Variants in PNLIPRP3 observed in about 807,000 individuals in gnomAD.
The protein encoded by PNLIPRP3 is pancreatic lipase-related protein 3.
Under a neutral mutation model 52.8 loss-of-function variants are expected in PNLIPRP3, and 58 were observed. That is an observed-to-expected ratio of 1.10 (90% confidence interval 0.89 to 1.37). The LOEUF is 1.37. PNLIPRP3 is among the 40% of genes most tolerant of loss of function. The pLI is 0.00. For missense variants in PNLIPRP3, 593 were observed against 561.6 expected (o/e 1.06, Z -0.57); for synonymous variants, 192 against 185.0 (o/e 1.04, Z -0.31).
At chr10:116,428,192 A>G in intron 1 of PNLIPRP3, 131 bp downstream of exon 1, 1 of 656,076 alleles carries the variant, frequency 1.5e-6, no homozygotes, top group Non-Finnish European at 2.6e-6. Flanking sequence ...TATTGTTTTT[A>G]TGAATATGTT....
intron 8 of PNLIPRP3, among the ~76,000 whole-genome samples, chr10:116,467,653 T>G (rs1381638867): frequency 1.3e-5 from 2 of 152,184 alleles, no homozygotes; most frequent in Non-Finnish European, 2.9e-5. Flanking sequence ...ATGTATCAAA[T>G]AAATGCTTTC....
intron 10 of PNLIPRP3, among the ~76,000 whole-genome samples, chr10:116,472,149 A>G (rs1846383969): frequency 6.6e-6 from 1 of 152,218 alleles, no homozygotes; most frequent in Non-Finnish European, 1.5e-5. Flanking sequence ...AGTGGAAAAA[A>G]CTGACGGTAT....
intron 4 of PNLIPRP3, among the ~76,000 whole-genome samples, chr10:116,450,203 C>T (rs1846014791): frequency 6.6e-6 from 1 of 152,172 alleles, no homozygotes; most frequent in South Asian, 2.1e-4. Flanking sequence ...ATCAAGCTTG[C>T]CCAACCCACA....
At chr10:116,446,026 T>C (rs76343439) in intron 4 of PNLIPRP3, among the ~76,000 whole-genome samples, 6,856 of 151,832 alleles carry the variant, frequency 0.045, 230 homozygotes, top group East Asian at 0.1. Context: ...TATAAGGAGA[T>C]AGGAAAGAAA....
chr10:116,429,822 A>G (rs1313336321), intron 1 of PNLIPRP3, among the ~76,000 whole-genome samples: 1 of 152,192 alleles, frequency 6.6e-6, no homozygotes, highest in African/African-American at 2.4e-5. Flanking sequence ...GAGAAGGAAG[A>G]TGGAACTACT....
intron 8 of PNLIPRP3, 38 bp from the exon 9 acceptor site, chr10:116,469,147 A>G: frequency 6.4e-7 from 1 of 1,573,766 alleles, no homozygotes; most frequent in Non-Finnish European, 8.6e-7. Flanking sequence ...CAACATTTCT[A>G]ATTACATAAG....
chr10:116,446,783 G>A (rs968872983), intron 4 of PNLIPRP3, among the ~76,000 whole-genome samples: 10 of 152,162 alleles, frequency 6.6e-5, no homozygotes, highest in Non-Finnish European at 1.3e-4. Flanking sequence ...ACGAAGGCCA[G>A]AGGAAAATTT....
intron 4 of PNLIPRP3, among the ~76,000 whole-genome samples, chr10:116,447,477 A>G (rs1845969939): frequency 6.6e-6 from 1 of 152,200 alleles, no homozygotes; most frequent in African/African-American, 2.4e-5. Flanking sequence ...AACTAACCCT[A>G]ATGAAACAGA....
At chr10:116,444,355 T>G (rs1293124654) in intron 3 of PNLIPRP3, 27 bp from the exon 4 acceptor site, 1 of 1,551,528 alleles carries the variant, frequency 6.4e-7, no homozygotes, top group East Asian at 2.4e-5. Context: ...CTTATTTATT[T>G]AATATTTATA....
chr10:116,455,190 C>A (rs184985148), intron 4 of PNLIPRP3, among the ~76,000 whole-genome samples: 1 of 152,296 alleles, frequency 6.6e-6, no homozygotes, highest in Admixed American at 6.5e-5. Flanking sequence ...GATAACTATT[C>A]AAATCCTTTG....
intron 4 of PNLIPRP3, among the ~76,000 whole-genome samples, chr10:116,453,324 G>A (rs1417518622): frequency 6.6e-6 from 1 of 152,088 alleles, no homozygotes; most frequent in Admixed American, 6.5e-5. Flanking sequence ...CAGGCTCATA[G>A]GTAAAAGGAA....
intron 7 of PNLIPRP3, 49 bp downstream of exon 7, chr10:116,461,339 T>A: frequency 6.3e-7 from 1 of 1,583,480 alleles, no homozygotes; most frequent in Non-Finnish European, 8.7e-7. Context: ...TTCACTTAGC[T>A]CTCTCCTTAG....
intron 1 of PNLIPRP3, among the ~76,000 whole-genome samples, chr10:116,434,298 T>G (rs74808793): frequency 0.088 from 13,441 of 152,204 alleles, 724 homozygotes; most frequent in East Asian, 0.17. Flanking sequence ...ACCTTTCTTT[T>G]AATTTTACTT....
chr10:116,470,759 C>T lies in PNLIPRP3; in HGVS notation c.1061-1009C>T, dbSNP rs1173205112. ...TCCTGACCTCGTGATCTGACCGCCT[C>T]GGACTCCCAAAGTGCTGGGATTACA... On this transcript the variant is annotated intron_variant, in intron 9 of 11. Transcript: ENST00000369230. Among the ~76,000 whole-genome samples the T allele has an allele frequency of 2.0e-5, 3 of 152,150 alleles. No homozygotes were observed. In the South Asian group the frequency reaches 6.2e-4, roughly 32 times the overall value.
At chr10:116,470,633 C>T (rs558240681) in intron 9 of PNLIPRP3, among the ~76,000 whole-genome samples, 8 of 151,842 alleles carry the variant, frequency 5.3e-5, no homozygotes, top group Non-Finnish European at 7.4e-5. Flanking sequence ...CCTCAGCCTC[C>T]CAAGTAGCTG....
intron 2 of PNLIPRP3, 38 bp downstream of exon 2, chr10:116,436,903 A>C: frequency 6.6e-7 from 1 of 1,522,876 alleles, no homozygotes; most frequent in Non-Finnish European, 8.9e-7. Flanking sequence ...GGATTATTCT[A>C]AAATATAAGA....
intron 9 of PNLIPRP3, among the ~76,000 whole-genome samples, chr10:116,470,768 A>G (rs1036190073): frequency 1.3e-5 from 2 of 152,160 alleles, no homozygotes; most frequent in Admixed American, 1.3e-4. Flanking sequence ...TCGGACTCCC[A>G]AAGTGCTGGG....
chr10:116,434,024 G>A (rs2133109964), intron 1 of PNLIPRP3, among the ~76,000 whole-genome samples: 1 of 152,262 alleles, frequency 6.6e-6, no homozygotes, highest in South Asian at 2.1e-4. Flanking sequence ...ATTTCTCTTA[G>A]ATCATCACTT....
chr10:116,439,608 G>A, intron 2 of PNLIPRP3: 1 of 774,200 alleles, frequency 1.3e-6, no homozygotes, highest in South Asian at 1.4e-5. Context: ...TTTCAGCTTT[G>A]CCACCTTAGT....
Sources: allele counts gnomAD v4.1 joint callset (sites outside exome capture counted in the v4.1 genomes callset), GRCh38; gene constraint gnomAD v4.1.1; transcripts MANE v1.5; gene names NCBI Gene and HGNC (gene_info 2026-07-23, HGNC 2026-07-21).